The following TMEM132D variants were observed in gnomAD, a reference collection of about 807,000 sequenced individuals.
TMEM132D encodes transmembrane protein 132D.
In TMEM132D, 21 loss-of-function variants were observed where a neutral mutation model predicts 62.3. The observed-to-expected ratio is 0.34, with a 90% CI of 0.24 to 0.49. TMEM132D has a LOEUF of 0.49. Among genes scored for constraint, TMEM132D ranks in the 20% least tolerant of loss-of-function variants. The pLI is 0.99. For missense variants in TMEM132D, 1,346 were observed against 1,402.8 expected (o/e 0.96, Z 0.65); for synonymous variants, 621 against 575.6 (o/e 1.08, Z -1.13).
At chr12:129,540,508 C>CA (rs571638773) in intron 2 of TMEM132D, among the ~76,000 whole-genome samples, 36 of 151,060 alleles carry the variant, frequency 2.4e-4, no homozygotes, top group Non-Finnish European at 4.4e-4. Context: ...TTAATTGAGA[C>CA]AGAGTCCTGC....
intron 1 of TMEM132D, among the ~76,000 whole-genome samples, chr12:129,706,973 T>C (rs1369237284): frequency 6.6e-6 from 1 of 151,422 alleles, no homozygotes; most frequent in East Asian, 1.9e-4. Context: ...ATTCATAGTC[T>C]TCAATAGTAT....
intron 4 of TMEM132D, among the ~76,000 whole-genome samples, chr12:129,228,178 C>A (rs894719201): frequency 9.9e-5 from 15 of 152,056 alleles, no homozygotes; most frequent in Admixed American, 9.8e-4. Flanking sequence ...TGTTAGAAAC[C>A]GCAGTTTAAC....
At chr12:129,267,480 A>T (rs1880728094) in intron 4 of TMEM132D, among the ~76,000 whole-genome samples, 1 of 152,202 alleles carries the variant, frequency 6.6e-6, no homozygotes, top group Admixed American at 6.5e-5. Context: ...CTTACAAGGG[A>T]TGTGAAGGAC....
intron 3 of TMEM132D, among the ~76,000 whole-genome samples, chr12:129,386,197 T>G (rs1871100855): frequency 6.6e-6 from 1 of 152,188 alleles, no homozygotes; most frequent in Admixed American, 6.5e-5. Context: ...TAATGGAAAC[T>G]GTTATCAGTT....
chr12:129,544,282 G>A (rs11612589), intron 2 of TMEM132D, among the ~76,000 whole-genome samples: 26,459 of 152,066 alleles, frequency 0.17, 2,641 homozygotes, highest in Non-Finnish European at 0.23. Flanking sequence ...TCTTAGTCTT[G>A]TTTTTATTGT....
intron 5 of TMEM132D, among the ~76,000 whole-genome samples, chr12:129,154,612 A>G (rs1877178411): frequency 6.6e-6 from 1 of 152,242 alleles, no homozygotes; most frequent in Non-Finnish European, 1.5e-5. Context: ...CTTATATTCC[A>G]AGGATGGATC....
At chr12:129,661,756 C>T (rs1483316779) in intron 2 of TMEM132D, among the ~76,000 whole-genome samples, 1 of 152,174 alleles carries the variant, frequency 6.6e-6, no homozygotes, top group Non-Finnish European at 1.5e-5. Context: ...ATAGTAATTT[C>T]ATAAAGATGT....
chr12:129,549,939 G>A (rs116583297), intron 2 of TMEM132D, among the ~76,000 whole-genome samples: 270 of 152,302 alleles, frequency 1.8e-3, no homozygotes, highest in African/African-American at 6.2e-3. Context: ...CTCAAAACAC[G>A]AAGGTCTTCA....
chr12:129,141,253 C>T (rs528486262), intron 5 of TMEM132D, among the ~76,000 whole-genome samples: 25 of 152,144 alleles, frequency 1.6e-4, no homozygotes, highest in Non-Finnish European at 3.5e-4. Flanking sequence ...ATTCATTCAT[C>T]CAAGAGATGT....
chr12:129,799,861 C>G (rs1251752743), intron 1 of TMEM132D, among the ~76,000 whole-genome samples: 1 of 152,130 alleles, frequency 6.6e-6, no homozygotes, highest in African/African-American at 2.4e-5. Context: ...TGTTAGACAG[C>G]TCTGCAGCCT....
chr12:129,264,262 GC>G, intron 4 of TMEM132D, among the ~76,000 whole-genome samples: 1 of 152,182 alleles, frequency 6.6e-6, no homozygotes, highest in East Asian at 1.9e-4. Flanking sequence ...GGTAACACGA[GC>G]CTGTAGTCCC....
At chr12:129,478,481 C>A (rs1593029505) in intron 3 of TMEM132D, among the ~76,000 whole-genome samples, 2 of 152,150 alleles carry the variant, frequency 1.3e-5, no homozygotes, top group South Asian at 4.1e-4. Flanking sequence ...CATATGTAGA[C>A]TCAAGGAATA....
At chr12:129,672,975 T>A (rs1880535754) in intron 2 of TMEM132D, among the ~76,000 whole-genome samples, 2 of 152,232 alleles carry the variant, frequency 1.3e-5, no homozygotes. Flanking sequence ...CTTGAACTCC[T>A]GACCTCAGGT....
At chr12:129,102,395 C>T (rs1175067901) in intron 5 of TMEM132D, among the ~76,000 whole-genome samples, 1 of 151,522 alleles carries the variant, frequency 6.6e-6, no homozygotes, top group Non-Finnish European at 1.5e-5. Context: ...CATGCATACA[C>T]ACACAATGCA....
intron 1 of TMEM132D, among the ~76,000 whole-genome samples, chr12:129,831,995 G>C (rs1025484418): frequency 6.9e-6 from 1 of 144,886 alleles, no homozygotes; most frequent in African/African-American, 2.5e-5. Flanking sequence ...TCAGCCTCCC[G>C]AGTAGCTGGG....
At chr12:129,638,766 G>A (rs1433299403) in intron 2 of TMEM132D, among the ~76,000 whole-genome samples, 1 of 152,026 alleles carries the variant, frequency 6.6e-6, no homozygotes, top group Non-Finnish European at 1.5e-5. Flanking sequence ...CAGGTGCGAT[G>A]TTTGTGAACA....
At chr12:129,499,522 C>G (rs888499174) in intron 3 of TMEM132D, among the ~76,000 whole-genome samples, 1 of 152,024 alleles carries the variant, frequency 6.6e-6, no homozygotes, top group African/African-American at 2.4e-5. Context: ...CAGGAGGACA[C>G]AGAATTTTGA....
intron 1 of TMEM132D, among the ~76,000 whole-genome samples, chr12:129,898,006 T>G (rs1875205026): frequency 6.6e-6 from 1 of 152,206 alleles, no homozygotes; most frequent in Non-Finnish European, 1.5e-5. Flanking sequence ...CTTGGAGAAG[T>G]TACTTAACAT....
At chr12:129,087,960 C>T (rs1336777025) in intron 5 of TMEM132D, among the ~76,000 whole-genome samples, 13 of 67,394 alleles carry the variant, frequency 1.9e-4, no homozygotes, top group African/African-American at 5.6e-4. Flanking sequence ...CCTCCCTGAC[C>T]GGGGTGTCCT....
Sources: gnomAD v4.1 joint callset for allele counts (sites outside exome capture counted in the v4.1 genomes callset) on GRCh38, gnomAD v4.1.1 for gene constraint, MANE v1.5 for transcripts, NCBI Gene and HGNC (gene_info 2026-07-23, HGNC 2026-07-21) for gene names.